Variants in SORCS3 observed in about 807,000 individuals in gnomAD.
SORCS3 encodes VPS10 domain-containing receptor SorCS3.
Under a neutral mutation model 146.3 loss-of-function variants are expected in SORCS3, and 57 were observed. That is an observed-to-expected ratio of 0.39 (90% CI 0.31 to 0.49). SORCS3 has a LOEUF of 0.49. Ranked by LOEUF, SORCS3 falls within the 20% of genes least tolerant of loss-of-function variation. SORCS3 has a pLI of 0.92. For synonymous variants in SORCS3, 653 were observed against 618.5 expected (o/e 1.06, Z -0.83); for missense variants, 1,341 against 1,575.5 (o/e 0.85, Z 2.52).
intron 3 of SORCS3, among the ~76,000 whole-genome samples, chr10:104,952,255 G>T (rs1391308363): frequency 2.5e-5 from 1 of 40,622 alleles, no homozygotes; most frequent in African/African-American, 9.0e-5. Flanking sequence ...ATGAATGTTT[G>T]AAAAAAAAAA....
intron 4 of SORCS3, among the ~76,000 whole-genome samples, chr10:105,034,937 A>C (rs2055295995): frequency 6.6e-6 from 1 of 152,194 alleles, no homozygotes. Flanking sequence ...CATAGGCACT[A>C]AGGAATGACC....
chr10:104,935,121 G>A (rs7099674), intron 3 of SORCS3, among the ~76,000 whole-genome samples: 42,070 of 151,994 alleles, frequency 0.28, 7,487 homozygotes, highest in African/African-American at 0.51. Context: ...ATTAATTCTC[G>A]GAGCAGTCCT....
At chr10:105,180,499 G>T (rs940125957) in intron 14 of SORCS3, among the ~76,000 whole-genome samples, 2 of 152,188 alleles carry the variant, frequency 1.3e-5, no homozygotes, top group African/African-American at 4.8e-5. Context: ...GTGGCTGGGT[G>T]TTAAGGGAGT....
At chr10:105,219,925 CTT>C (rs1052115351) in intron 19 of SORCS3, among the ~76,000 whole-genome samples, 5 of 152,160 alleles carry the variant, frequency 3.3e-5, no homozygotes, top group African/African-American at 7.2e-5. Context: ...TTCCTTGAAA[CTT>C]TTATCGTGCT....
chr10:104,893,286 G>C (rs1313346031), intron 2 of SORCS3, among the ~76,000 whole-genome samples: 1 of 152,188 alleles, frequency 6.6e-6, no homozygotes, highest in Non-Finnish European at 1.5e-5. Context: ...GTAATGCAAG[G>C]CTGATGTAGA....
chr10:105,240,326 T>A (rs147249269), intron 20 of SORCS3, among the ~76,000 whole-genome samples: 11 of 152,112 alleles, frequency 7.2e-5, no homozygotes, highest in Non-Finnish European at 1.3e-4. Context: ...CTGGAAGTAG[T>A]GAAGATTCTC....
chr10:105,225,165 A>T (rs1311457368), intron 20 of SORCS3, among the ~76,000 whole-genome samples: 1 of 152,008 alleles, frequency 6.6e-6, no homozygotes, highest in Non-Finnish European at 1.5e-5. Context: ...CATACCCAAC[A>T]TCATCAATGT....
At chr10:104,712,264 C>T (rs561119294) in intron 1 of SORCS3, among the ~76,000 whole-genome samples, 5 of 152,138 alleles carry the variant, frequency 3.3e-5, no homozygotes, top group African/African-American at 9.7e-5. Context: ...CTGCCTGTTG[C>T]CACACAGCTA....
intron 3 of SORCS3, among the ~76,000 whole-genome samples, chr10:104,970,439 G>A (rs2054854159): frequency 1.3e-5 from 2 of 152,306 alleles, no homozygotes; most frequent in East Asian, 1.9e-4. Flanking sequence ...AAGCCAAAAA[G>A]CCTCCTTCTT....
intron 2 of SORCS3, among the ~76,000 whole-genome samples, chr10:104,884,702 A>G (rs2018664261): frequency 6.6e-6 from 1 of 152,170 alleles, no homozygotes; most frequent in Non-Finnish European, 1.5e-5. Context: ...AATTCAACAC[A>G]CTTAACAGAA....
At chr10:105,037,004 T>C (rs2696867) in intron 4 of SORCS3, among the ~76,000 whole-genome samples, 44,257 of 152,120 alleles carry the variant, frequency 0.29, 8,571 homozygotes, top group African/African-American at 0.56. Context: ...GGGAGATACC[T>C]TGGCTTAAGA....
chr10:104,804,547 T>C (rs1323773658), intron 1 of SORCS3, among the ~76,000 whole-genome samples: 1 of 152,186 alleles, frequency 6.6e-6, no homozygotes, highest in Non-Finnish European at 1.5e-5. Context: ...ATTGCAAAGA[T>C]ACAGAGGCCA....
At position 104,957,799 on chromosome 10, in the gene SORCS3, A is replaced by C. The variant is rs151077335; in HGVS notation, c.796-19536A>C. ...TCTGGGGACCACCTGGCATGGGATG[A>C]TGGATCATTACAGAGACTACCTGCC... is the stretch of plus-strand genomic sequence containing the variant. On this transcript the variant is annotated intron_variant, in intron 3 of 26. Transcript: ENST00000369701. 1.0e-3 allele frequency among the ~76,000 whole-genome samples: 156 copies of C among 152,192 alleles called. 1 individual carries two copies. The highest frequency in any genetic ancestry group is 3.7e-3 in the African/African-American group (152 of 41,526).
chr10:104,906,792 C>T (rs1430012956), intron 2 of SORCS3, among the ~76,000 whole-genome samples: 2 of 152,112 alleles, frequency 1.3e-5, no homozygotes, highest in African/African-American at 4.8e-5. Context: ...GTAACAATCA[C>T]TTTATTGCTA....
At chr10:104,836,137 A>G (rs2133541052) in intron 1 of SORCS3, among the ~76,000 whole-genome samples, 1 of 152,252 alleles carries the variant, frequency 6.6e-6, no homozygotes, top group South Asian at 2.1e-4. Flanking sequence ...GGAGATATTT[A>G]GGATTTTTGG....
rs190242388 is a variant in SORCS3 at position 104,717,143 on chromosome 10, G to A, written c.627+75189G>A. Among the ~76,000 whole-genome samples the A allele has an allele frequency of 3.9e-5, 6 of 152,158 alleles. No individual in the cohort carries two copies. The East Asian group carries it at 1.2e-3, about 30-fold the overall frequency. On this transcript the variant is annotated intron_variant, in intron 1 of 26. Coordinates refer to ENST00000369701, the MANE Select transcript of SORCS3 (RefSeq NM_014978.3). ...TTCCCTATGAAAAACAAATTAGTCA[G>A]GCATGGTGGCTCACACTTGTAATCC...
intron 1 of SORCS3, among the ~76,000 whole-genome samples, chr10:104,667,219 G>A (rs1168025036): frequency 6.6e-6 from 1 of 152,152 alleles, no homozygotes; most frequent in Non-Finnish European, 1.5e-5. Context: ...GACGTGCAAG[G>A]CACTGTGCTC....
At chr10:104,984,379 T>C (rs1470834956) in intron 4 of SORCS3, among the ~76,000 whole-genome samples, 1 of 152,178 alleles carries the variant, frequency 6.6e-6, no homozygotes, top group Non-Finnish European at 1.5e-5. Context: ...TAATACCCAG[T>C]GTCGGGTATT....
intron 4 of SORCS3, among the ~76,000 whole-genome samples, chr10:105,023,319 A>G (rs2055208569): frequency 6.6e-6 from 1 of 152,150 alleles, no homozygotes; most frequent in Non-Finnish European, 1.5e-5. Flanking sequence ...TTTATTTTTT[A>G]ATCCCCCAAT....
Sources: allele counts gnomAD v4.1 joint callset (sites outside exome capture counted in the v4.1 genomes callset), GRCh38; gene constraint gnomAD v4.1.1; transcripts MANE v1.5; gene names NCBI Gene and HGNC (gene_info 2026-07-23, HGNC 2026-07-21).